DEPDC7: variants seen among roughly 807,000 people sequenced by gnomAD.
The protein encoded by DEPDC7 is DEP domain-containing protein 7.
A neutral mutation model predicts 56.6 loss-of-function variants in DEPDC7; 41 were observed. The ratio of observed to expected loss-of-function variants is 0.72; its 90% CI spans 0.56 to 0.94. The LOEUF is 0.94. DEPDC7 is among the 40% of genes least tolerant of loss of function. The pLI is 0.00. For synonymous variants in DEPDC7, 185 were observed against 208.8 expected, an observed-to-expected ratio of 0.89 and a Z score of 0.98; for missense variants, 522 against 596.3, an observed-to-expected ratio of 0.88 and a Z score of 1.30.
rs766824025 is a variant in DEPDC7, at chr11:33,031,593, A to G, written c.994+4A>G. ...AATGGAATTGCAGAACTCTTAGGTA[A>G]GTAAGATCTAACTGGATACTAGCAT... is the stretch of plus-strand genomic sequence containing the variant. On this transcript the variant is annotated splice_donor_region_variant and intron_variant, in intron 5 of 8. Coordinates refer to ENST00000241051, the MANE Select transcript of DEPDC7 (RefSeq NM_001077242.2). The G allele has an allele frequency of 2.1e-5, 33 of 1,604,404 alleles. No individual in the cohort carries two copies. Among genetic ancestry groups the G allele is most frequent in the South Asian group, 9.9e-5 (9 of 90,882 alleles).
chr11:33,026,340 G>T, intron 2 of DEPDC7: 1 of 351,918 alleles, frequency 2.8e-6, no homozygotes, highest in Non-Finnish European at 5.4e-6. Context: ...CATAGCGAAG[G>T]CAGGCAGAGA....
chr11:33,021,884 G>A (rs1442862875), intron 1 of DEPDC7, among the ~76,000 whole-genome samples: 3 of 152,090 alleles, frequency 2.0e-5, no homozygotes, highest in Non-Finnish European at 4.4e-5. Context: ...AGTTAATATG[G>A]GGAAATTTAT....
Position 33,026,160 on chromosome 11 carries a change from A to G in DEPDC7, c.464+111A>G, listed in dbSNP as rs530218104. On this transcript the variant is annotated intron_variant, in intron 2 of 8. Coordinates refer to ENST00000241051, the MANE Select transcript of DEPDC7 (RefSeq NM_001077242.2). ...ATTTTTAGCAGTAAATGTGGCTAAA[A>G]TATGGGTCTGTGGGTAAATTTGATA... 2.1e-5 allele frequency: 26 copies of G among 1,224,644 alleles called. No homozygotes were observed. The South Asian group carries it at 3.2e-4, about 15-fold the overall frequency. 75.9% of individuals were successfully genotyped at this position (1,224,644 alleles called of 1,614,324 possible).
intron 5 of DEPDC7, 95 bp downstream of exon 5, chr11:33,031,684 C>A: frequency 2.1e-6 from 2 of 950,232 alleles, no homozygotes; most frequent in Non-Finnish European, 3.2e-6. Context: ...CTACTACAAG[C>A]TGGGAGTGGA....
chr11:33,019,966 T>C (rs1853506601), intron 1 of DEPDC7, among the ~76,000 whole-genome samples: 2 of 151,966 alleles, frequency 1.3e-5, no homozygotes, highest in Admixed American at 1.3e-4. Flanking sequence ...TGTGTTTTAT[T>C]AATTCTGTGT....
intron 3 of DEPDC7, chr11:33,028,219 A>G (rs1001560945): frequency 5.1e-6 from 1 of 197,146 alleles, no homozygotes; most frequent in Non-Finnish European, 1.0e-5. Context: ...TTTAATTTCC[A>G]CCCTTTCCCC....
intron 4 of DEPDC7, among the ~76,000 whole-genome samples, chr11:33,029,245 C>T (rs546363253): frequency 6.6e-6 from 1 of 151,552 alleles, no homozygotes; most frequent in African/African-American, 2.4e-5. Context: ...TGCCTGTAAT[C>T]CTAGCACTTT....
chr11:33,022,666 A>G (rs1853534749), intron 1 of DEPDC7, among the ~76,000 whole-genome samples: 1 of 152,346 alleles, frequency 6.6e-6, no homozygotes, highest in African/African-American at 2.4e-5. Context: ...AGTCGCTAAC[A>G]ATGTTTAGGC....
chr11:33,033,112 CA>C (rs1443020812), intron 8 of DEPDC7, 145 bp downstream of exon 8: 2 of 912,268 alleles, frequency 2.2e-6, no homozygotes, highest in Admixed American at 6.3e-5. Context: ...AGCAACTTTA[CA>C]AGTGTTAGAA....
At chr11:33,023,616 C>G (rs1853545013) in intron 1 of DEPDC7, among the ~76,000 whole-genome samples, 1 of 152,150 alleles carries the variant, frequency 6.6e-6, no homozygotes, top group African/African-American at 2.4e-5. Flanking sequence ...TTACTGCAAC[C>G]TCCACCTCCC....
intron 1 of DEPDC7, among the ~76,000 whole-genome samples, chr11:33,021,064 T>C (rs189311773): frequency 3.3e-5 from 5 of 151,976 alleles, no homozygotes; most frequent in East Asian, 1.9e-4. Flanking sequence ...CTGGCCAACA[T>C]GGTGAAACCC....
At chr11:33,026,156 T>A in intron 2 of DEPDC7, 107 bp downstream of exon 2, 2 of 1,262,770 alleles carry the variant, frequency 1.6e-6, no homozygotes, top group Non-Finnish European at 2.3e-6. Context: ...TAAATGTGGC[T>A]AAAATATGGG....
intron 1 of DEPDC7, chr11:33,016,382 T>C: frequency 6.8e-7 from 1 of 1,463,396 alleles, no homozygotes; most frequent in Non-Finnish European, 9.0e-7. Flanking sequence ...GTGACAAGTG[T>C]GGTATCTGGA....
intron 4 of DEPDC7, among the ~76,000 whole-genome samples, chr11:33,030,595 G>T (rs750185116): frequency 3.9e-5 from 6 of 151,980 alleles, no homozygotes; most frequent in South Asian, 2.1e-4. Flanking sequence ...TTGTTGGTTT[G>T]TTTTTTGAGA....
chr11:33,032,667 G>C lies in DEPDC7; in HGVS notation c.1138-1G>C, dbSNP rs768013206. The C allele has an allele frequency of 6.4e-7, 1 of 1,562,346 alleles. No homozygotes were observed. Among genetic ancestry groups the C allele is most frequent in the Non-Finnish European group, 8.7e-7 (1 of 1,155,582 alleles). On this transcript the variant is annotated splice_acceptor_variant, in intron 6 of 8. Transcript: ENST00000241051. LOFTEE classifies it high-confidence loss of function. Reference sequence around the variant, plus strand: ...TGGATATATTTGTTTTATTTTTATAGAGTGACAACCGAATGGTTGTGAAAA... The same window carrying C: ...TGGATATATTTGTTTTATTTTTATACAGTGACAACCGAATGGTTGTGAAAA...
intron 1 of DEPDC7, 138 bp downstream of exon 1, chr11:33,016,166 C>A: frequency 7.9e-7 from 1 of 1,260,740 alleles, no homozygotes; most frequent in Non-Finnish European, 9.9e-7. Flanking sequence ...CACAGCACAG[C>A]TGCGACCACT....
chr11:33,016,393 A>G, intron 1 of DEPDC7: 1 of 1,484,388 alleles, frequency 6.7e-7, no homozygotes, highest in Non-Finnish European at 8.9e-7. Context: ...GGTATCTGGA[A>G]TTTGTGTAGT....
At position 33,028,605 on chromosome 11, in the gene DEPDC7, AT is replaced by A. The variant is rs760536913; in HGVS notation, c.597del (p.Asn200MetfsTer16). Reference sequence around the variant, plus strand: ...ACCTTGTCATTTTTCCTGTGTAGTTATTAATGAAGTGTGGCAAGAAGAAACA... The same window carrying A: ...ACCTTGTCATTTTTCCTGTGTAGTTATAATGAAGTGTGGCAAGAAGAAACA... ...NISATLSPQVINEVWQEETIG... is the reference protein window; with the variant it reads ...NISATLSPQVXNEVWQEETIG... On this transcript the variant is annotated frameshift_variant, in exon 4 of 9. Coordinates refer to ENST00000241051, the MANE Select transcript of DEPDC7 (RefSeq NM_001077242.2). LOFTEE classifies it high-confidence loss of function. 8 of 1,588,826 alleles carry A rather than the reference AT, an allele frequency of 5.0e-6. No individual in the cohort carries two copies. In the Admixed American group the frequency reaches 5.7e-5, roughly 11 times the overall value.
Position 33,031,522 on chromosome 11 carries a change from T to C in DEPDC7, c.927T>C (p.Tyr309=). The C allele has an allele frequency of 3.1e-6, 5 of 1,614,168 alleles. No homozygotes were observed. Among genetic ancestry groups the C allele is most frequent in the Non-Finnish European group, 4.2e-6 (5 of 1,179,998 alleles). Residue 309 remains tyrosine, a synonymous_variant, in exon 5 of 9, where the codon TAT becomes TAC. Coordinates refer to ENST00000241051, the MANE Select transcript of DEPDC7 (RefSeq NM_001077242.2). ...KELLFDAIGR[Y]YSSREPLLNH... is the part of the protein sequence containing the mutation. ...TTCTGTTTGATGCCATTGGCAGATA[T>C]TACAGTAGTAGGGAACCTCTGTTAA...
Sources: allele counts gnomAD v4.1 joint callset (sites outside exome capture counted in the v4.1 genomes callset), GRCh38; gene constraint gnomAD v4.1.1; transcripts MANE v1.5; gene names NCBI Gene and HGNC (gene_info 2026-07-23, HGNC 2026-07-21).